Variants in HPD observed in about 807,000 individuals in gnomAD.
HPD encodes the protein 4-hydroxyphenylpyruvic acid oxidase.
A neutral mutation model predicts 56.9 loss-of-function variants in HPD; 35 were observed. That is an observed-to-expected ratio of 0.62 (90% CI 0.47 to 0.82). The LOEUF is 0.82. Ranked by LOEUF, HPD falls within the 40% of genes least tolerant of loss-of-function variation. The probability of loss-of-function intolerance (pLI) is 0.00; values close to 1 mark genes in which losing one functional copy is unlikely to be tolerated. For synonymous variants in HPD, 186 were observed against 200.2 expected (o/e 0.93, Z 0.60); for missense variants, 442 against 506.8 (o/e 0.87, Z 1.23).
chr12:121,855,686 C>T (rs1306462717), intron 6 of HPD, among the ~76,000 whole-genome samples: 1 of 151,550 alleles, frequency 6.6e-6, no homozygotes, highest in Non-Finnish European at 1.5e-5. Flanking sequence ...CACTGCTCTC[C>T]AGCCTGGGCA....
chr12:121,875,586 C>T, the HPD span, among the ~76,000 whole-genome samples: 23 of 151,968 alleles, frequency 1.5e-4, no homozygotes, highest in African/African-American at 4.6e-4. Flanking sequence ...CCACCAAGCC[C>T]GGCTAATTTT....
the HPD span, among the ~76,000 whole-genome samples, chr12:121,869,969 G>A: frequency 6.6e-6 from 1 of 151,798 alleles, no homozygotes; most frequent in Admixed American, 6.6e-5. Context: ...TTAGAGATGG[G>A]GTCTTCCTGT....
At chr12:121,881,089 C>T in the HPD span, among the ~76,000 whole-genome samples, 4 of 152,228 alleles carry the variant, frequency 2.6e-5, no homozygotes, top group African/African-American at 9.6e-5. Context: ...ACGTGCACAA[C>T]CCAGTATCTT....
At chr12:121,874,569 G>C in the HPD span, among the ~76,000 whole-genome samples, 1 of 151,272 alleles carries the variant, frequency 6.6e-6, no homozygotes, top group Non-Finnish European at 1.5e-5. Context: ...AGTGAGCCGA[G>C]ATCACGCCAT....
upstream of HPD, among the ~76,000 whole-genome samples, chr12:121,863,369 C>A (rs11043222): frequency 6.6e-6 from 1 of 152,122 alleles, no homozygotes; most frequent in Non-Finnish European, 1.5e-5. Context: ...TCACAGGGAC[C>A]GTGATCCTTC....
chr12:121,857,492 C>T (rs1300877775), intron 3 of HPD, 60 bp from the exon 4 acceptor site: 19 of 1,285,788 alleles, frequency 1.5e-5, no homozygotes, highest in African/African-American at 7.3e-5. Context: ...GGGGGACTTC[C>T]GCAAGAGAGC....
At chr12:121,868,029 A>G (rs1423188541), upstream of HPD, among the ~76,000 whole-genome samples, 1 of 152,140 alleles carries the variant, frequency 6.6e-6, no homozygotes. Flanking sequence ...GCCAGAGTTT[A>G]ATACTGCTCA....
the HPD span, among the ~76,000 whole-genome samples, chr12:121,873,646 A>G: frequency 4.0e-5 from 6 of 151,866 alleles, no homozygotes; most frequent in African/African-American, 1.5e-4. Flanking sequence ...ATGAAACCCC[A>G]TCTCTACTAA....
intron 1 of HPD, 43 bp from the exon 2 acceptor site, chr12:121,858,756 A>T (rs1357194059): frequency 6.2e-7 from 1 of 1,614,078 alleles, no homozygotes; most frequent in Admixed American, 1.7e-5. Flanking sequence ...AGGTTCCAAC[A>T]CAAGGTGCTT....
Position 121,856,602 on chromosome 12 carries a change from C to A in HPD, c.222G>T (p.Ala74=), listed in dbSNP as rs757475819. The A allele has an allele frequency of 1.6e-5, 26 of 1,613,958 alleles. No homozygotes were observed. Among genetic ancestry groups the A allele is most frequent in the Non-Finnish European group, 2.2e-5 (26 of 1,180,004 alleles). The stretch of plus-strand genomic sequence containing the variant: ...CCTCACCTTTGTTCCAGGGGTTGAG[C>A]GCTGAGGAGAGGACAAACACAATCT... ...QGKIVFVLSS[A]LNPWNKEMGD... The change falls in exon 5 of 14, where the codon GCG becomes GCT. Residue 74 remains alanine, a synonymous_variant. Coordinates refer to ENST00000289004, the MANE Select transcript of HPD (RefSeq NM_002150.3).
chr12:121,865,261 C>CTCTT (rs79584022), upstream of HPD, among the ~76,000 whole-genome samples: 13 of 149,576 alleles, frequency 8.7e-5, no homozygotes, highest in East Asian at 6.1e-4. Flanking sequence ...CAGCGACACT[C>CTCTT]TCTTTCTTTC....
rs568502189 is a variant in HPD at position 121,840,014 on chromosome 12, C to G, written c.989G>C (p.Gly330Ala). Residue 330 changes from glycine to alanine, a missense_variant, in exon 13 of 14, where the codon GGC becomes GCC. Gly to Ala is a moderately conservative substitution (Grantham distance 60, BLOSUM62 0). Transcript: ENST00000289004. ...TTTGGTGAAGATCTGCAGGAGGTAG[C>G]CTTTCTCGTCGTAGTCCACCAGGAT... The part of the protein sequence containing the change: ...LKILVDYDEK[G>A]YLLQIFTKPV... 3 of 1,613,794 alleles carry G rather than the reference C, an allele frequency of 1.9e-6. No homozygotes were observed. The Admixed American group carries it at 5.0e-5, about 27-fold the overall frequency.
At chr12:121,858,880 G>T, upstream of HPD, 1 of 1,608,312 alleles carries the variant, frequency 6.2e-7, no homozygotes, top group South Asian at 1.1e-5. Flanking sequence ...TGCTGGGCCG[G>T]AGTATTTAAC....
chr12:121,843,926 T>C (rs1293403191), intron 11 of HPD, 94 bp from the exon 12 acceptor site: 7 of 1,464,340 alleles, frequency 4.8e-6, no homozygotes, highest in Non-Finnish European at 6.7e-6. Flanking sequence ...ACAGGGTCCC[T>C]ATCCTAGCTC....
chr12:121,863,507 C>G (rs1292485582), upstream of HPD: 9 of 152,202 alleles, frequency 5.9e-5, no homozygotes, highest in Admixed American at 6.6e-5. Context: ...TTCTCCTTCC[C>G]GCATCTTTGT....
chr12:121,857,010 G>T, intron 4 of HPD: 1 of 496,278 alleles, frequency 2.0e-6, no homozygotes, highest in Non-Finnish European at 3.7e-6. Context: ...GCTGTACAAA[G>T]ATGCCAGCGG....
chr12:121,854,407 C>T (rs1308075959), intron 7 of HPD, among the ~76,000 whole-genome samples: 1 of 152,188 alleles, frequency 6.6e-6, no homozygotes, highest in Non-Finnish European at 1.5e-5. Flanking sequence ...CAAAGTCACA[C>T]AGCTCGTGTG....
upstream of HPD, among the ~76,000 whole-genome samples, chr12:121,859,463 T>C (rs774105399): frequency 1.5e-4 from 23 of 152,134 alleles, no homozygotes; most frequent in Admixed American, 3.9e-4. Flanking sequence ...TTATAATTCA[T>C]TGGGACAGAG....
chr12:121,856,196 G>T (rs1416487649), intron 6 of HPD, 128 bp downstream of exon 6: 3 of 770,268 alleles, frequency 3.9e-6, no homozygotes, highest in Non-Finnish European at 4.7e-6. Flanking sequence ...CAGCATCTGA[G>T]CTTGTCACTG....
Sources: gnomAD v4.1 joint callset for allele counts (sites outside exome capture counted in the v4.1 genomes callset) on GRCh38, gnomAD v4.1.1 for gene constraint, MANE v1.5 for transcripts, NCBI Gene and HGNC (gene_info 2026-07-23, HGNC 2026-07-21) for gene names.